Variants in SCAF11 observed in about 807,000 individuals in gnomAD.
SCAF11 encodes protein SCAF11.
Under a neutral mutation model 140.5 loss-of-function variants are expected in SCAF11, and 47 were observed. The observed-to-expected ratio is 0.33, with a 90% CI of 0.26 to 0.43. The LOEUF is 0.43. SCAF11 is among the 20% of genes least tolerant of loss of function. The pLI is 1.00. For synonymous variants in SCAF11, 557 were observed against 579.4 expected, an observed-to-expected ratio of 0.96 and a Z score of 0.55; for missense variants, 1,645 against 1,705.1, an observed-to-expected ratio of 0.96 and a Z score of 0.62.
intron 1 of SCAF11, among the ~76,000 whole-genome samples, chr12:45,971,892 C>T (rs1438107481): frequency 6.6e-6 from 1 of 152,102 alleles, no homozygotes; most frequent in Non-Finnish European, 1.5e-5. Flanking sequence ...CTTCCTGTTA[C>T]TTGGATCCAG....
chr12:45,962,018 C>T (rs1435933689), intron 2 of SCAF11, among the ~76,000 whole-genome samples, 161 bp from the exon 3 acceptor site: 1 of 152,080 alleles, frequency 6.6e-6, no homozygotes, highest in Non-Finnish European at 1.5e-5. Flanking sequence ...GCCCAACGTG[C>T]CCAACATTTA....
chr12:45,985,679 A>T (rs1416351737), intron 1 of SCAF11, among the ~76,000 whole-genome samples: 2 of 152,252 alleles, frequency 1.3e-5, no homozygotes, highest in Non-Finnish European at 2.9e-5. Context: ...TCTACAACAG[A>T]GTGGCTGACA....
chr12:45,924,600 T>C lies in SCAF11; in HGVS notation c.3906+128A>G, dbSNP rs1284652555. Reference sequence around the variant, plus strand: ...ATAGTGAAAGAGGGATTATGAAGGTTTACCATAACTGAAATCAAATAAACA... The same window carrying C: ...ATAGTGAAAGAGGGATTATGAAGGTCTACCATAACTGAAATCAAATAAACA... On this transcript the variant is annotated intron_variant, in intron 12 of 14. Transcript: ENST00000369367. 6 of 738,408 alleles carry C rather than the reference T, an allele frequency of 8.1e-6. No homozygotes were observed. In the African/African-American group the frequency reaches 1.1e-4, roughly 13 times the overall value. The allele number at this position is 738,408 out of a possible 1,614,324, so 45.7% of individuals were successfully genotyped here.
intron 1 of SCAF11, among the ~76,000 whole-genome samples, chr12:45,989,649 C>T (rs1458503253): frequency 6.6e-6 from 1 of 152,176 alleles, no homozygotes; most frequent in Non-Finnish European, 1.5e-5. Context: ...TCAGAAGGGG[C>T]GACTGATTAG....
chr12:45,951,389 G>GTACAAA (rs1168758438), intron 4 of SCAF11, among the ~76,000 whole-genome samples: 2 of 152,106 alleles, frequency 1.3e-5, no homozygotes, highest in Non-Finnish European at 2.9e-5. Flanking sequence ...ACGTCCTTCA[G>GTACAAA]ATTATCAGAG....
intron 6 of SCAF11, among the ~76,000 whole-genome samples, chr12:45,943,788 G>C (rs998321679): frequency 5.3e-5 from 8 of 152,042 alleles, no homozygotes; most frequent in Non-Finnish European, 8.8e-5. Flanking sequence ...ACGACTTCAG[G>C]CATCTTAAGT....
chr12:45,963,901 G>A (rs1945879425), intron 2 of SCAF11, among the ~76,000 whole-genome samples: 1 of 151,976 alleles, frequency 6.6e-6, no homozygotes, highest in Non-Finnish European at 1.5e-5. Flanking sequence ...AAAGGGAAAA[G>A]TAAACAATTT....
chr12:45,957,862 T>C (rs1445619526), intron 3 of SCAF11, among the ~76,000 whole-genome samples: 5 of 152,152 alleles, frequency 3.3e-5, no homozygotes, highest in African/African-American at 1.2e-4. Context: ...TTTTAATCAC[T>C]TCTCGGCAAC....
chr12:45,976,273 C>T (rs1190519071), intron 1 of SCAF11, among the ~76,000 whole-genome samples: 7 of 152,098 alleles, frequency 4.6e-5, no homozygotes, highest in South Asian at 2.1e-4. Context: ...CATTAGTCAA[C>T]GTCTTGTGTC....
intron 3 of SCAF11, among the ~76,000 whole-genome samples, chr12:45,960,155 T>C (rs553374155): frequency 6.6e-6 from 1 of 152,276 alleles, no homozygotes; most frequent in South Asian, 2.1e-4. Flanking sequence ...CACCTCTAGA[T>C]ACATACCCTA....
intron 3 of SCAF11, chr12:45,956,102 T>C (rs375861251): frequency 2.8e-6 from 2 of 715,700 alleles, no homozygotes; most frequent in East Asian, 2.7e-5. Context: ...AAACCTTCCT[T>C]ATTTGGGAAT....
rs1346546421 is a variant in SCAF11, at chr12:45,972,915, T to TAG, written c.-21-8728_-21-8727insCT. Among the ~76,000 whole-genome samples the TAG allele has an allele frequency of 1.2e-3, 34 of 27,326 alleles. 1 individual carries two copies. The highest frequency in any genetic ancestry group is 2.6e-3 in the African/African-American group (27 of 10,312). The allele number at this position is 27,326 out of a possible 152,430, so 17.9% of individuals were successfully genotyped here. A position where few individuals can be genotyped will look rare whatever the true frequency, so the allele number is the denominator to read the frequency against. On this transcript the variant is annotated intron_variant, in intron 1 of 14. Coordinates refer to ENST00000369367, the MANE Select transcript of SCAF11 (RefSeq NM_004719.3). ...ATAGATATATATATATATAGATATA[T>TAG]ATATAGATATATAGATATATATAGA...
chr12:45,935,885 G>A (rs1945162153), intron 6 of SCAF11, among the ~76,000 whole-genome samples: 1 of 137,640 alleles, frequency 7.3e-6, no homozygotes, highest in Non-Finnish European at 1.6e-5. Flanking sequence ...GTGGTTTCCT[G>A]AAGATCGTTT....
chr12:45,987,867 G>A (rs551788521), intron 1 of SCAF11, among the ~76,000 whole-genome samples: 2 of 152,300 alleles, frequency 1.3e-5, no homozygotes, highest in Non-Finnish European at 2.9e-5. Context: ...TGACTTTTTA[G>A]GAAGATATTT....
chr12:45,990,469 A>C lies in SCAF11; in HGVS notation c.-138T>G. The C allele has an allele frequency of 8.1e-7, 1 of 1,231,362 alleles. No individual in the cohort carries two copies. The highest frequency in any genetic ancestry group is 1.0e-6 in the Non-Finnish European group (1 of 987,942). 76.3% of individuals were successfully genotyped at this position (1,231,362 alleles called of 1,614,324 possible). ...ACTCCTTCGTCCGCTTTGTGGTGTTACAGGGTCTCTAGGACACTGACTCCG... is the reference window on the plus strand; with the variant it reads ...ACTCCTTCGTCCGCTTTGTGGTGTTCCAGGGTCTCTAGGACACTGACTCCG... On this transcript the variant is annotated 5_prime_UTR_variant, in exon 1 of 15. Coordinates refer to ENST00000369367, the MANE Select transcript of SCAF11 (RefSeq NM_004719.3).
chr12:45,940,969 T>C (rs1419094253), intron 6 of SCAF11, among the ~76,000 whole-genome samples: 2 of 152,142 alleles, frequency 1.3e-5, no homozygotes, highest in Non-Finnish European at 1.5e-5. Flanking sequence ...CACACTTGGC[T>C]AATTTTTGTA....
chr12:45,929,914 A>C (rs1424529017), intron 10 of SCAF11: 3 of 152,218 alleles, frequency 2.0e-5, no homozygotes, highest in African/African-American at 7.2e-5. Context: ...CCAACCCCCA[A>C]CACAGTCAAA....
intron 1 of SCAF11, among the ~76,000 whole-genome samples, chr12:45,988,572 G>A (rs1946515556): frequency 2.0e-5 from 3 of 152,166 alleles, no homozygotes; most frequent in Non-Finnish European, 4.4e-5. Flanking sequence ...ATTACCACAT[G>A]AAGGTATTAA....
At chr12:45,966,438 G>C (rs1945949959) in intron 1 of SCAF11, among the ~76,000 whole-genome samples, 1 of 151,328 alleles carries the variant, frequency 6.6e-6, no homozygotes. Flanking sequence ...TTATGTTCTA[G>C]TGGGGAAGAC....
Sources: allele counts gnomAD v4.1 joint callset (sites outside exome capture counted in the v4.1 genomes callset), GRCh38; gene constraint gnomAD v4.1.1; transcripts MANE v1.5; gene names NCBI Gene and HGNC (gene_info 2026-07-23, HGNC 2026-07-21).